NSRP1: variants seen among roughly 807,000 people sequenced by gnomAD.
The protein encoded by NSRP1 is coiled-coil domain containing 55.
Under a neutral mutation model 54.7 loss-of-function variants are expected in NSRP1, and 24 were observed. The observed-to-expected ratio is 0.44, with a 90% CI of 0.32 to 0.62. The LOEUF (loss-of-function observed/expected upper bound fraction) is 0.62. Among genes scored for constraint, NSRP1 ranks in the 20% least tolerant of loss-of-function variants. NSRP1 has a pLI of 0.06. For synonymous variants in NSRP1, 210 were observed against 213.8 expected, an observed-to-expected ratio of 0.98 and a Z score of 0.15; for missense variants, 596 against 651.2, an observed-to-expected ratio of 0.92 and a Z score of 0.92.
chr17:30,157,123 C>T (rs1322731197), intron 2 of NSRP1, among the ~76,000 whole-genome samples: 1 of 152,114 alleles, frequency 6.6e-6, no homozygotes, highest in Non-Finnish European at 1.5e-5. Flanking sequence ...TGTATGAGAG[C>T]TCCTTTTACT....
At chr17:30,172,729 C>A in intron 3 of NSRP1, 131 bp downstream of exon 3, 1 of 615,988 alleles carries the variant, frequency 1.6e-6, no homozygotes, top group South Asian at 2.5e-5. Flanking sequence ...AGAATTAGCT[C>A]CTTATTGCTG....
Position 30,185,432 on chromosome 17 carries a change from G to A in NSRP1, c.1435G>A (p.Ala479Thr). 1 of 1,609,032 alleles carries A rather than the reference G, an allele frequency of 6.2e-7. No individual in the cohort carries two copies. Among genetic ancestry groups the A allele is most frequent in the South Asian group, 1.1e-5 (1 of 89,560 alleles). Residue 479 changes from alanine (A) to threonine (T), a missense_variant, in exon 7 of 7, where the codon GCA becomes ACA. Physicochemically the swap from Ala to Thr is moderately conservative, Grantham distance 58 (BLOSUM62 0). Transcript: ENST00000247026. Reference protein sequence around the residue: ...QERSNKMRNMAKDKERNQEKP... With the variant: ...QERSNKMRNMTKDKERNQEKP... ...AAGATCCAACAAAATGAGAAACATG[G>A]CAAAGGACAAAGAAAGAAACCAAGA...
At chr17:30,165,646 G>A (rs961968897) in intron 2 of NSRP1, among the ~76,000 whole-genome samples, 2 of 152,112 alleles carry the variant, frequency 1.3e-5, no homozygotes, top group African/African-American at 4.8e-5. Flanking sequence ...TGTTTTGGGG[G>A]CAGTGTATTT....
intron 2 of NSRP1, among the ~76,000 whole-genome samples, chr17:30,138,919 T>C (rs898990582): frequency 7.6e-6 from 1 of 132,404 alleles, no homozygotes; most frequent in Non-Finnish European, 1.6e-5. Context: ...GTTTTTTTTT[T>C]TTTTTTTTTT....
intron 1 of NSRP1, 85 bp from the exon 2 acceptor site, chr17:30,117,995 A>G: frequency 9.5e-7 from 1 of 1,050,628 alleles, no homozygotes; most frequent in Non-Finnish European, 1.5e-6. Flanking sequence ...TTGATTTGGT[A>G]GCTTCATGTG....
chr17:30,139,700 C>A (rs1011252742), intron 2 of NSRP1, among the ~76,000 whole-genome samples: 1 of 151,794 alleles, frequency 6.6e-6, no homozygotes, highest in African/African-American at 2.4e-5. Context: ...TTAGGATCTG[C>A]AAAAACAAAA....
chr17:30,139,802 A>T (rs1783918691), intron 2 of NSRP1, among the ~76,000 whole-genome samples: 1 of 152,158 alleles, frequency 6.6e-6, no homozygotes, highest in African/African-American at 2.4e-5. Context: ...AGGCGGGCGG[A>T]TCATGAGGTC....
chr17:30,182,985 G>A (rs912853296), intron 6 of NSRP1, among the ~76,000 whole-genome samples: 7 of 151,886 alleles, frequency 4.6e-5, no homozygotes, highest in African/African-American at 1.5e-4. Context: ...AAAATTTAAA[G>A]TTTTGATCAC....
At chr17:30,118,307 G>C in intron 2 of NSRP1, 134 bp downstream of exon 2, 1 of 614,350 alleles carries the variant, frequency 1.6e-6, no homozygotes, top group Non-Finnish European at 2.7e-6. Context: ...TGTCAAAAAG[G>C]AAGGTGTAAA....
chr17:30,170,737 A>G (rs559641530), intron 2 of NSRP1, among the ~76,000 whole-genome samples: 154 of 152,300 alleles, frequency 1.0e-3, no homozygotes, highest in African/African-American at 3.6e-3. Flanking sequence ...TGCTGCAATG[A>G]ACATGGGAGT....
At chr17:30,118,752 T>C (rs1015132605) in intron 2 of NSRP1, among the ~76,000 whole-genome samples, 11 of 149,928 alleles carry the variant, frequency 7.3e-5, no homozygotes, top group African/African-American at 2.4e-4. Context: ...CTTTTCTCTT[T>C]TTTTTTTTTT....
intron 2 of NSRP1, among the ~76,000 whole-genome samples, chr17:30,149,073 C>T (rs945575472): frequency 6.6e-6 from 1 of 152,098 alleles, no homozygotes; most frequent in East Asian, 1.9e-4. Flanking sequence ...GTAGTGTTTT[C>T]AGTGTTATAC....
chr17:30,173,111 A>G (rs1905014778), intron 3 of NSRP1, among the ~76,000 whole-genome samples: 1 of 151,976 alleles, frequency 6.6e-6, no homozygotes, highest in Non-Finnish European at 1.5e-5. Flanking sequence ...CTAAAGGCGC[A>G]TGCCACCATG....
intron 2 of NSRP1, among the ~76,000 whole-genome samples, chr17:30,159,354 T>G (rs1443968316): frequency 1.3e-5 from 2 of 151,972 alleles, no homozygotes; most frequent in Admixed American, 1.3e-4. Flanking sequence ...TTAAGAGGTT[T>G]TTTTTGTGTG....
intron 1 of NSRP1, among the ~76,000 whole-genome samples, chr17:30,117,762 T>G (rs1431055079): frequency 5.9e-5 from 9 of 151,324 alleles, no homozygotes; most frequent in Non-Finnish European, 1.2e-4. Flanking sequence ...TACACATGTT[T>G]TTTTTTTTTT....
rs1328835169 is a variant in NSRP1, at chr17:30,178,161, G to A, written c.262G>A (p.Glu88Lys). 3.1e-6 allele frequency: 5 copies of A among 1,609,552 alleles called. No individual in the cohort carries two copies. Among genetic ancestry groups the A allele is most frequent in the Non-Finnish European group, 4.2e-6 (5 of 1,178,798 alleles). ...IYDEMQKKKE[E>K]NNPKLLLGKD... ...TGATGAAATGCAGAAAAAAAAGGAG[G>A]AAAATAATCCCAAATTGCTTTTGGG... The change falls in exon 4 of 7, where the codon GAA becomes AAA. Residue 88 changes from glutamate (E) to lysine (K), a missense_variant. Physicochemically the swap from Glu to Lys is moderately conservative, Grantham distance 56 (BLOSUM62 1). Transcript: ENST00000247026.
rs572028028 is a variant in NSRP1, at chr17:30,151,912, G to A, written c.115-20630G>A. On this transcript the variant is annotated intron_variant, in intron 2 of 6. Coordinates refer to ENST00000247026, the MANE Select transcript of NSRP1 (RefSeq NM_032141.4). The stretch of plus-strand genomic sequence containing the variant: ...ATTCTCCCAAGTAGCTGGGATTACA[G>A]GCATGCGCCACCACGCCCGGGTAAT... Among the ~76,000 whole-genome samples, 3 of 150,358 alleles carry A rather than the reference G, an allele frequency of 2.0e-5. No individual in the cohort carries two copies. In the East Asian group the frequency reaches 5.9e-4, roughly 30 times the overall value.
Position 30,118,080 on chromosome 17 carries a change from G to C in NSRP1, c.21G>C (p.Gln7His). ...TCTATTTCAAAAAAAATATATGCAG[G>C]TATGGGCTTATTTTGCCAAAGAAAA... MAIPGR[Q>H]YGLILPKKTQ... The change falls in exon 2 of 7, where the codon CAG becomes CAC. Residue 7 changes from glutamine (Q) to histidine (H), a missense_variant and splice_region_variant. Physicochemically the swap from Gln to His is conservative, Grantham distance 24. Coordinates refer to ENST00000247026, the MANE Select transcript of NSRP1 (RefSeq NM_032141.4). 6.2e-7 allele frequency: 1 copy of C among 1,612,416 alleles called. No homozygotes were observed. The highest frequency in any genetic ancestry group is 1.1e-5 in the South Asian group (1 of 91,016).
At chr17:30,168,080 T>C (rs1441052548) in intron 2 of NSRP1, 2 of 152,174 alleles carry the variant, frequency 1.3e-5, no homozygotes, top group East Asian at 3.8e-4. Flanking sequence ...CTTTTAATTC[T>C]GTGTTGTCTT....
Sources: allele counts gnomAD v4.1 joint callset (sites outside exome capture counted in the v4.1 genomes callset), GRCh38; gene constraint gnomAD v4.1.1; transcripts MANE v1.5; gene names NCBI Gene and HGNC (gene_info 2026-07-23, HGNC 2026-07-21).